Variants in MAP3K5 observed in about 807,000 individuals in gnomAD.
MAP3K5 encodes the protein ASK-1.
A neutral mutation model predicts 158.7 loss-of-function variants in MAP3K5; 56 were observed. The ratio of observed to expected loss-of-function variants is 0.35; its 90% CI spans 0.28 to 0.44. The LOEUF (loss-of-function observed/expected upper bound fraction) is 0.44. MAP3K5 is among the 20% of genes least tolerant of loss of function. The pLI is 1.00. For missense variants in MAP3K5, 1,294 were observed against 1,674.8 expected (o/e 0.77, Z 3.97); for synonymous variants, 579 against 601.7 (o/e 0.96, Z 0.55).
At chr6:136,707,340 G>T (rs1781120845) in intron 2 of MAP3K5, among the ~76,000 whole-genome samples, 1 of 152,244 alleles carries the variant, frequency 6.6e-6, no homozygotes, top group African/African-American at 2.4e-5. Flanking sequence ...TGTTCCTGAA[G>T]ATTGAGAAAG....
intron 23 of MAP3K5, among the ~76,000 whole-genome samples, chr6:136,591,024 A>C (rs1775361502): frequency 6.6e-6 from 1 of 152,138 alleles, no homozygotes; most frequent in Admixed American, 6.5e-5. Context: ...TGTTCTCATG[A>C]TAGTGAATAA....
intron 1 of MAP3K5, among the ~76,000 whole-genome samples, chr6:136,771,923 T>TA (rs144228701): frequency 0.042 from 6,415 of 152,238 alleles, 162 homozygotes; most frequent in African/African-American, 0.078. Flanking sequence ...CCTTTTTATT[T>TA]TTTTTTTATT....
At chr6:136,698,432 A>T in intron 4 of MAP3K5, 57 bp downstream of exon 4, 1 of 1,451,028 alleles carries the variant, frequency 6.9e-7, no homozygotes, top group Non-Finnish European at 9.6e-7. Context: ...GCACAAATAA[A>T]GATGTAGAAT....
intron 1 of MAP3K5, among the ~76,000 whole-genome samples, chr6:136,753,619 G>C (rs539791215): frequency 5.3e-5 from 8 of 152,060 alleles, no homozygotes; most frequent in Non-Finnish European, 1.2e-4. Context: ...ATTATTCTTG[G>C]GTCAGGTGAA....
intron 23 of MAP3K5, among the ~76,000 whole-genome samples, chr6:136,588,714 C>G (rs1399356373): frequency 6.6e-6 from 1 of 152,174 alleles, no homozygotes. Context: ...CTTGGGTCAA[C>G]CCAGTCCTAT....
intron 14 of MAP3K5, among the ~76,000 whole-genome samples, chr6:136,626,290 A>C: frequency 6.6e-6 from 1 of 152,170 alleles, no homozygotes; most frequent in East Asian, 1.9e-4. Context: ...CCTTAGCATG[A>C]ATTCTTCTCT....
intron 21 of MAP3K5, chr6:136,592,845 CTGG>C (rs1174661578): frequency 1.7e-6 from 1 of 586,690 alleles, no homozygotes; most frequent in Non-Finnish European, 3.2e-6. Flanking sequence ...AGGGATATCT[CTGG>C]GGTACCAAAA....
At chr6:136,685,414 A>C (rs371595249) in intron 7 of MAP3K5, among the ~76,000 whole-genome samples, 3 of 152,146 alleles carry the variant, frequency 2.0e-5, no homozygotes, top group Non-Finnish European at 4.4e-5. Context: ...AATAGATCAC[A>C]TTAGAGACTC....
At chr6:136,599,344 T>C (rs976111313) in intron 21 of MAP3K5, among the ~76,000 whole-genome samples, 28 of 152,070 alleles carry the variant, frequency 1.8e-4, no homozygotes, top group African/African-American at 6.5e-4. Flanking sequence ...CCCAAGTCCA[T>C]ATGTAAGCAA....
At chr6:136,596,693 T>C (rs1345598981) in intron 21 of MAP3K5, among the ~76,000 whole-genome samples, 1 of 152,138 alleles carries the variant, frequency 6.6e-6, no homozygotes, top group Non-Finnish European at 1.5e-5. Flanking sequence ...GTTTTCTCTA[T>C]TGTAAGGGGT....
intron 11 of MAP3K5, among the ~76,000 whole-genome samples, chr6:136,643,926 G>A: frequency 6.6e-6 from 1 of 152,028 alleles, no homozygotes; most frequent in East Asian, 1.9e-4. Flanking sequence ...ATATGACCCA[G>A]GAGCTGCAGC....
chr6:136,663,305 T>A (rs1779086567), intron 8 of MAP3K5, among the ~76,000 whole-genome samples: 1 of 152,212 alleles, frequency 6.6e-6, no homozygotes. Flanking sequence ...TTTTCAACAA[T>A]CGTTAACATT....
chr6:136,698,431 A>G, intron 4 of MAP3K5, 58 bp downstream of exon 4: 2 of 1,449,250 alleles, frequency 1.4e-6, no homozygotes, highest in South Asian at 1.2e-5. Flanking sequence ...TGCACAAATA[A>G]AGATGTAGAA....
intron 1 of MAP3K5, among the ~76,000 whole-genome samples, chr6:136,729,844 T>C (rs1782132917): frequency 6.6e-6 from 1 of 152,086 alleles, no homozygotes; most frequent in Non-Finnish European, 1.5e-5. Flanking sequence ...ACAGACAACA[T>C]GTGGGGAAAC....
intron 25 of MAP3K5, among the ~76,000 whole-genome samples, chr6:136,575,155 A>T (rs1481437882): frequency 1.3e-5 from 2 of 149,274 alleles, no homozygotes; most frequent in Non-Finnish European, 3.0e-5. Flanking sequence ...ACATTGATAC[A>T]ATACTATTTT....
intron 1 of MAP3K5, among the ~76,000 whole-genome samples, chr6:136,768,624 G>A (rs1463576667): frequency 6.6e-6 from 1 of 152,192 alleles, no homozygotes; most frequent in Non-Finnish European, 1.5e-5. Context: ...TTTAGAAAAT[G>A]GCTTGGTGGC....
intron 17 of MAP3K5, among the ~76,000 whole-genome samples, chr6:136,612,774 A>G (rs1447248173): frequency 6.6e-6 from 1 of 151,908 alleles, no homozygotes; most frequent in Non-Finnish European, 1.5e-5. Flanking sequence ...ATGGGCAAGG[A>G]TACAAAGATT....
chr6:136,721,367 G>A (rs187705475), intron 1 of MAP3K5, among the ~76,000 whole-genome samples: 40 of 151,786 alleles, frequency 2.6e-4, no homozygotes, highest in Admixed American at 4.6e-4. Context: ...TCCCTGGTAA[G>A]TATAATCAAG....
At chr6:136,619,778 A>G (rs1776721900) in intron 15 of MAP3K5, among the ~76,000 whole-genome samples, 1 of 152,230 alleles carries the variant, frequency 6.6e-6, no homozygotes, top group Non-Finnish European at 1.5e-5. Flanking sequence ...TGGTGATCAG[A>G]AAGAGTAGAG....
Sources: gnomAD v4.1 joint callset for allele counts (sites outside exome capture counted in the v4.1 genomes callset) on GRCh38, gnomAD v4.1.1 for gene constraint, MANE v1.5 for transcripts, NCBI Gene and HGNC (gene_info 2026-07-23, HGNC 2026-07-21) for gene names.